Variants in FMN1 observed in about 807,000 individuals in gnomAD.
FMN1 encodes formin 1.
FMN1 carries 110 observed loss-of-function variants against 132.4 expected under a neutral mutation model. The observed-to-expected ratio is 0.83, with a 90% CI of 0.71 to 0.97. FMN1 has a LOEUF of 0.97. Among genes scored for constraint, FMN1 ranks in the 50% least tolerant of loss-of-function variants. The probability of loss-of-function intolerance (pLI) is 0.00; values close to 1 mark genes in which losing one functional copy is unlikely to be tolerated. For synonymous variants in FMN1, 722 were observed against 651.7 expected (o/e 1.11, Z -1.64); for missense variants, 1,792 against 1,705.3 (o/e 1.05, Z -0.90).
intron 3 of FMN1, among the ~76,000 whole-genome samples, chr15:33,179,362 TA>T (rs1965620036): frequency 6.6e-6 from 1 of 152,148 alleles, no homozygotes. Context: ...AAATGAAAGG[TA>T]TGATTTCAGG....
At chr15:33,004,848 C>CTA (rs747857697) in intron 7 of FMN1, among the ~76,000 whole-genome samples, 20 of 152,140 alleles carry the variant, frequency 1.3e-4, no homozygotes, top group Non-Finnish European at 2.5e-4. Context: ...CCATGGAATA[C>CTA]TATGCAGCCA....
At chr15:32,917,595 G>T (rs1458438247) in intron 10 of FMN1, among the ~76,000 whole-genome samples, 2 of 152,138 alleles carry the variant, frequency 1.3e-5, no homozygotes, top group Non-Finnish European at 2.9e-5. Context: ...GTTGTTTCTA[G>T]TTTTACAGAT....
At chr15:32,806,449 T>C (rs2057684085) in intron 17 of FMN1, among the ~76,000 whole-genome samples, 1 of 152,248 alleles carries the variant, frequency 6.6e-6, no homozygotes, top group South Asian at 2.1e-4. Context: ...GTGCTCAATA[T>C]AGGCCATGGC....
intron 16 of FMN1, 98 bp from the exon 17 acceptor site, chr15:32,857,205 C>A: frequency 1.1e-6 from 1 of 896,896 alleles, no homozygotes; most frequent in Non-Finnish European, 1.8e-6. Flanking sequence ...ATCAATTGTG[C>A]ACACTCCTTG....
intron 6 of FMN1, among the ~76,000 whole-genome samples, chr15:33,050,387 A>G (rs1186927065): frequency 6.7e-6 from 1 of 150,060 alleles, no homozygotes; most frequent in Non-Finnish European, 1.5e-5. Context: ...ATACAATGAT[A>G]AAAGGATTTT....
intron 6 of FMN1, among the ~76,000 whole-genome samples, chr15:33,008,347 C>G (rs1037578550): frequency 6.6e-6 from 1 of 151,984 alleles, no homozygotes; most frequent in Non-Finnish European, 1.5e-5. Context: ...TGAGTGTGTT[C>G]CAGATAAACA....
chr15:32,997,266 A>T (rs567057821), intron 7 of FMN1, among the ~76,000 whole-genome samples: 35 of 152,254 alleles, frequency 2.3e-4, no homozygotes, highest in Middle Eastern at 3.4e-3. Context: ...AACCAGTGAA[A>T]TAAAAGAACT....
rs754677998 is a variant in FMN1 at position 32,904,699 on chromosome 15, TAAAG to T, written c.3378-2663_3378-2660del. ...TGGGTATAGCGAAAATACAAAATAATAAAGAAGCAAATTTGGAGGAAAAAAATAG... is the reference window on the plus strand; with the variant it reads ...TGGGTATAGCGAAAATACAAAATAATAAGCAAATTTGGAGGAAAAAAATAG... On this transcript the variant is annotated intron_variant, in intron 12 of 20. Transcript: ENST00000616417. Among the ~76,000 whole-genome samples the T allele has an allele frequency of 2.6e-5, 4 of 152,216 alleles. No homozygotes were observed. In the South Asian group the frequency reaches 8.3e-4, roughly 32 times the overall value.
chr15:32,970,492 C>T (rs763883373), intron 7 of FMN1, among the ~76,000 whole-genome samples: 27 of 152,172 alleles, frequency 1.8e-4, no homozygotes, highest in African/African-American at 6.0e-4. Context: ...ACCTCAGCAG[C>T]AATGGATGGA....
intron 15 of FMN1, among the ~76,000 whole-genome samples, chr15:32,894,787 A>AC (rs2141547678): frequency 6.6e-6 from 1 of 152,144 alleles, no homozygotes; most frequent in East Asian, 1.9e-4. Flanking sequence ...ACAGTTAAAA[A>AC]AAAAAAAACG....
At chr15:33,185,780 C>A (rs979437502) in intron 2 of FMN1, among the ~76,000 whole-genome samples, 2 of 151,978 alleles carry the variant, frequency 1.3e-5, no homozygotes, top group Non-Finnish European at 2.9e-5. Flanking sequence ...CCATGTTGGC[C>A]AGGCTGGTCT....
intron 20 of FMN1, among the ~76,000 whole-genome samples, 156 bp downstream of exon 20, chr15:32,776,679 C>A (rs950423460): frequency 2.7e-5 from 4 of 148,848 alleles, no homozygotes; most frequent in Non-Finnish European, 5.9e-5. Flanking sequence ...TACCTCCACC[C>A]ACACATACTT....
intron 17 of FMN1, among the ~76,000 whole-genome samples, chr15:32,824,553 C>G (rs1489604353): frequency 1.3e-5 from 2 of 152,152 alleles, no homozygotes; most frequent in Non-Finnish European, 2.9e-5. Flanking sequence ...CTCTTCTTCT[C>G]CCTCTTAAAT....
At chr15:32,977,881 G>C (rs1410577255) in intron 7 of FMN1, among the ~76,000 whole-genome samples, 1 of 140,768 alleles carries the variant, frequency 7.1e-6, no homozygotes, top group Non-Finnish European at 1.5e-5. Context: ...TTTTTTTTCT[G>C]AGACAGAGTC....
At chr15:33,010,969 T>C (rs1382872317) in intron 6 of FMN1, among the ~76,000 whole-genome samples, 1 of 149,506 alleles carries the variant, frequency 6.7e-6, no homozygotes, top group African/African-American at 2.4e-5. Context: ...GACTTCATAT[T>C]GTAAAGGTGT....
intron 6 of FMN1, among the ~76,000 whole-genome samples, chr15:33,040,547 A>G (rs2036385167): frequency 6.6e-6 from 1 of 152,254 alleles, no homozygotes; most frequent in African/African-American, 2.4e-5. Flanking sequence ...AATTAATAAC[A>G]GCACCAATGA....
intron 2 of FMN1, among the ~76,000 whole-genome samples, chr15:33,184,270 C>T (rs1194277043): frequency 2.0e-5 from 3 of 151,988 alleles, no homozygotes; most frequent in Non-Finnish European, 4.4e-5. Context: ...ATCTTTGTAA[C>T]GTAATGCCTT....
At chr15:32,942,235 T>C (rs962576811) in intron 9 of FMN1, among the ~76,000 whole-genome samples, 2 of 152,206 alleles carry the variant, frequency 1.3e-5, no homozygotes, top group African/African-American at 2.4e-5. Flanking sequence ...AAATTATTAT[T>C]ATTCCTCACA....
At chr15:33,126,568 T>C (rs773033805) in intron 4 of FMN1, among the ~76,000 whole-genome samples, 19 of 152,200 alleles carry the variant, frequency 1.2e-4, no homozygotes, top group Non-Finnish European at 1.8e-4. Context: ...GCTGAAGTTC[T>C]TAGCACTTCT....
Sources: gnomAD v4.1 joint callset for allele counts (sites outside exome capture counted in the v4.1 genomes callset) on GRCh38, gnomAD v4.1.1 for gene constraint, MANE v1.5 for transcripts, NCBI Gene and HGNC (gene_info 2026-07-23, HGNC 2026-07-21) for gene names.